FOXO1: variants seen among roughly 807,000 people sequenced by gnomAD.
FOXO1 encodes the protein forkhead box O1, also known as forkhead box protein O1.
Under a neutral mutation model 44.1 loss-of-function variants are expected in FOXO1, and 6 were observed. The observed-to-expected ratio is 0.14, with a 90% CI of 0.07 to 0.27. The LOEUF is 0.27. Ranked by LOEUF, FOXO1 falls within the 10% of genes least tolerant of loss-of-function variation. FOXO1 has a pLI of 1.00. For synonymous variants in FOXO1, 380 were observed against 362.7 expected (o/e 1.05, Z -0.54); for missense variants, 737 against 888.8 (o/e 0.83, Z 2.17).
chr13:40,630,213 C>T (rs1876915585), intron 1 of FOXO1, among the ~76,000 whole-genome samples: 1 of 152,098 alleles, frequency 6.6e-6, no homozygotes, highest in African/African-American at 2.4e-5. Flanking sequence ...GCAAGGGGAA[C>T]TGAAACTCTT....
chr13:40,603,380 A>C (rs962702992), intron 1 of FOXO1, among the ~76,000 whole-genome samples: 4 of 146,930 alleles, frequency 2.7e-5, no homozygotes, highest in African/African-American at 9.9e-5. Flanking sequence ...AAAAAGGTTG[A>C]GTTAAAGCAC....
intron 1 of FOXO1, among the ~76,000 whole-genome samples, chr13:40,611,938 G>A (rs1310015019): frequency 6.6e-6 from 1 of 152,086 alleles, no homozygotes; most frequent in East Asian, 1.9e-4. Flanking sequence ...GCCATGTGTG[G>A]TGGTGCATGC....
intron 1 of FOXO1, among the ~76,000 whole-genome samples, chr13:40,659,327 AAAAAGAAAAG>A (rs1295939329): frequency 1.3e-5 from 2 of 151,130 alleles, no homozygotes; most frequent in African/African-American, 2.4e-5. Context: ...AAAAAAAAAA[AAAAAGAAAAG>A]AAAAGAAAAG....
intron 1 of FOXO1, among the ~76,000 whole-genome samples, chr13:40,612,705 A>T (rs1416491219): frequency 6.6e-6 from 1 of 152,210 alleles, no homozygotes; most frequent in Non-Finnish European, 1.5e-5. Flanking sequence ...ATTTTGAGAG[A>T]GAGAGAAACC....
In FOXO1 at chr13:40,665,727, G is replaced by C. The variant is rs1279288612; in HGVS notation, c.486C>G (p.Asn162Lys). ...SSSSRRNAWGNLSYADLITKA... is the reference protein window; with the variant it reads ...SSSSRRNAWGKLSYADLITKA... The stretch of plus-strand genomic sequence containing the variant: ...TGGTGATGAGGTCGGCGTAGGACAG[G>C]TTGCCCCACGCGTTGCGGCGGGACG... The change falls in exon 1 of 3, where the codon AAC becomes AAG. Residue 162 changes from asparagine to lysine, a missense_variant. Asn to Lys is a moderately conservative substitution (Grantham distance 94). Around this residue, in one of 7 missense-constraint regions of FOXO1, gnomAD observed 3 missense variants for 28.2 expected, o/e 0.11. Coordinates refer to ENST00000379561, the MANE Select transcript of FOXO1 (RefSeq NM_002015.4). 1.4e-6 allele frequency: 2 copies of C among 1,468,128 alleles called. No homozygotes were observed. Among genetic ancestry groups the C allele is most frequent in the Non-Finnish European group, 1.8e-6 (2 of 1,096,910 alleles). 90.9% of individuals were successfully genotyped at this position (1,468,128 alleles called of 1,614,324 possible).
At chr13:40,619,085 A>C in intron 1 of FOXO1, 5 of 422,398 alleles carry the variant, frequency 1.2e-5, no homozygotes, top group South Asian at 9.2e-5. Context: ...GGAGTTCAAG[A>C]CCAGCCTGGC....
rs1199277552 is a variant in FOXO1 at position 40,557,002 on chromosome 13, T to TA, written c.*2046dup. The TA allele has an allele frequency of 1.3e-5, 2 of 152,102 alleles. No homozygotes were observed. Among genetic ancestry groups the TA allele is most frequent in the African/African-American group, 4.8e-5 (2 of 41,420 alleles). 9.4% of individuals were successfully genotyped at this position (152,102 alleles called of 1,614,324 possible). On this transcript the variant is annotated 3_prime_UTR_variant, in exon 3 of 3. Transcript: ENST00000379561. The stretch of plus-strand genomic sequence containing the variant: ...TTGGACTGCCCCAAAATGAGGATGA[T>TA]AGAGTGGTGGCTGTTCAATGAATCT...
rs1441549563 is a variant in FOXO1 at position 40,560,919 on chromosome 13, T to C, written c.631-59A>G. On this transcript the variant is annotated intron_variant, in intron 1 of 2. Coordinates refer to ENST00000379561, the MANE Select transcript of FOXO1 (RefSeq NM_002015.4). This position sits in a 1 kb window ranked among gnomAD's most constrained non-coding sequence, Gnocchi z 5.1. ...ACTTCTCTGCTTGCAAAACTTCCTA[T>C]TCTACATGTATTACATGGAAAACAA... 1 of 1,488,692 alleles carries C rather than the reference T, an allele frequency of 6.7e-7. No homozygotes were observed. The highest frequency in any genetic ancestry group is 9.0e-7 in the Non-Finnish European group (1 of 1,110,344). The allele number at this position is 1,488,692 out of a possible 1,614,324, so 92.2% of individuals were successfully genotyped here.
intron 1 of FOXO1, among the ~76,000 whole-genome samples, chr13:40,563,951 T>C (rs1228219490): frequency 1.3e-5 from 2 of 152,182 alleles, no homozygotes; most frequent in Non-Finnish European, 2.9e-5. Flanking sequence ...CAATATTCCA[T>C]CATGACAGTT....
In FOXO1 at chr13:40,636,631, C is replaced by T. The variant is rs548236312; in HGVS notation, c.630+28952G>A. Among the ~76,000 whole-genome samples, 10 of 150,306 alleles carry T rather than the reference C, an allele frequency of 6.7e-5. No homozygotes were observed. The East Asian group carries it at 2.0e-3, about 30-fold the overall frequency. ...CCACCTCCTGGGTTCAAATGATTCT[C>T]CCGTCTCAGCCTCCCAAGTAGCTGA... On this transcript the variant is annotated intron_variant, in intron 1 of 2. Coordinates refer to ENST00000379561, the MANE Select transcript of FOXO1 (RefSeq NM_002015.4).
At chr13:40,615,487 G>A (rs531190442) in intron 1 of FOXO1, among the ~76,000 whole-genome samples, 19 of 151,960 alleles carry the variant, frequency 1.3e-4, no homozygotes, top group African/African-American at 2.2e-4. Flanking sequence ...AGCCAAGATC[G>A]CACCACTGCA....
chr13:40,556,792 G>A lies in FOXO1; in HGVS notation c.*2257C>T, dbSNP rs1873769166. 6.6e-6 allele frequency: 1 copy of A among 152,198 alleles called. No homozygotes were observed. Among genetic ancestry groups the A allele is most frequent in the South Asian group, 2.1e-4 (1 of 4,828 alleles). The allele number at this position is 152,198 out of a possible 1,614,324, so 9.4% of individuals were successfully genotyped here. On this transcript the variant is annotated 3_prime_UTR_variant, in exon 3 of 3. Transcript: ENST00000379561. ...GATTTTAACAGTGATTTTGGCTGTA[G>A]TTGCCTCTTTAATGAACAAATGGGG...
chr13:40,635,603 C>T (rs1254385331), intron 1 of FOXO1, among the ~76,000 whole-genome samples: 1 of 152,318 alleles, frequency 6.6e-6, no homozygotes, highest in African/African-American at 2.4e-5. Context: ...TTCATTACCA[C>T]GAGTCTGGAA....
In FOXO1 at chr13:40,666,032, C is replaced by A; in HGVS notation, c.181G>T (p.Ala61Ser). The change falls in exon 1 of 3, where the codon GCC (alanine) becomes TCC (serine). Residue 61 changes from alanine (A) to serine (S), a missense_variant. Transcript: ENST00000379561. ...NPDAAAGLPS[A>S]SAAAVSADFM... Reference sequence around the variant, plus strand: ...TCGGCGCTGACAGCGGCAGCCGAGGCCGAGGGCAGGCCCGCCGCGGCGTCG... The same window carrying A: ...TCGGCGCTGACAGCGGCAGCCGAGGACGAGGGCAGGCCCGCCGCGGCGTCG... 1.6e-6 allele frequency: 2 copies of A among 1,287,264 alleles called. No homozygotes were observed. The highest frequency in any genetic ancestry group is 2.0e-6 in the Non-Finnish European group (2 of 1,020,314). The allele number at this position is 1,287,264 out of a possible 1,614,324, so 79.7% of individuals were successfully genotyped here. A position where few individuals can be genotyped will look rare whatever the true frequency, so the allele number is the denominator to read the frequency against.
intron 1 of FOXO1, among the ~76,000 whole-genome samples, chr13:40,614,229 C>A (rs1328450790): frequency 6.6e-6 from 1 of 152,218 alleles, no homozygotes; most frequent in Non-Finnish European, 1.5e-5. Flanking sequence ...TGTGTGCTTG[C>A]TTCTCATCGT....
chr13:40,657,851 G>A (rs1352623897), intron 1 of FOXO1, among the ~76,000 whole-genome samples: 1 of 152,114 alleles, frequency 6.6e-6, no homozygotes, highest in Non-Finnish European at 1.5e-5. Context: ...AAAGGACTCT[G>A]ACAATCTGTT....
chr13:40,656,998 T>C (rs1593418145), intron 1 of FOXO1, among the ~76,000 whole-genome samples: 1 of 152,144 alleles, frequency 6.6e-6, no homozygotes, highest in South Asian at 2.1e-4. Flanking sequence ...ACTTGGCTAA[T>C]TTTTTTCTGT....
chr13:40,589,177 C>A (rs1446808597), intron 1 of FOXO1, among the ~76,000 whole-genome samples: 1 of 152,124 alleles, frequency 6.6e-6, no homozygotes, highest in East Asian at 1.9e-4. Flanking sequence ...CAAGGCAGAC[C>A]ATCAAGAAAT....
At chr13:40,561,489 T>C (rs1164362738) in intron 1 of FOXO1, among the ~76,000 whole-genome samples, 1 of 152,136 alleles carries the variant, frequency 6.6e-6, no homozygotes, top group Non-Finnish European at 1.5e-5. Context: ...ACCGCTTAAA[T>C]TTTGCTTAGC....
Sources: gnomAD v4.1 joint callset for allele counts (sites outside exome capture counted in the v4.1 genomes callset) on GRCh38, gnomAD v4.1.1 for gene constraint, gnomAD v4.1.1 regional missense constraint, Gnocchi (gnomAD v3.1) non-coding constraint, MANE v1.5 for transcripts, NCBI Gene and HGNC (gene_info 2026-07-23, HGNC 2026-07-21) for gene names.